Variants in SETDB2 observed in about 807,000 individuals in gnomAD.
The protein encoded by SETDB2 is histone-lysine N-methyltransferase SETDB2.
Under a neutral mutation model 82.5 loss-of-function variants are expected in SETDB2, and 56 were observed. That is an observed-to-expected ratio of 0.68 (90% confidence interval 0.55 to 0.85). The LOEUF is 0.85. Ranked by LOEUF, SETDB2 falls within the 40% of genes least tolerant of loss-of-function variation. SETDB2 has a pLI of 0.00. For missense variants in SETDB2, 677 were observed against 816.4 expected (o/e 0.83, Z 2.08); for synonymous variants, 272 against 284.9 (o/e 0.95, Z 0.46).
chr13:49,484,993 A>G (rs1157146888), intron 10 of SETDB2, among the ~76,000 whole-genome samples: 1 of 152,250 alleles, frequency 6.6e-6, no homozygotes, highest in Non-Finnish European at 1.5e-5. Context: ...TTTCAGAATT[A>G]TGAGGATTAA....
At chr13:49,449,008 A>G (rs1433738961) in intron 1 of SETDB2, among the ~76,000 whole-genome samples, 1 of 152,142 alleles carries the variant, frequency 6.6e-6, no homozygotes. Flanking sequence ...CTCTTATTTG[A>G]TACGTTTCTT....
intron 1 of SETDB2, among the ~76,000 whole-genome samples, chr13:49,450,927 G>A (rs1257264973): frequency 2.7e-5 from 4 of 149,662 alleles, no homozygotes; most frequent in East Asian, 1.9e-4. Context: ...TCTAAATATC[G>A]AATATAGAGG....
intron 9 of SETDB2, 52 bp from the exon 10 acceptor site, chr13:49,483,412 G>C: frequency 3.0e-6 from 2 of 669,212 alleles, no homozygotes; most frequent in Non-Finnish European, 4.9e-6. Flanking sequence ...CTTGAGTAAA[G>C]AGAATGAAGA....
rs763406330 is a variant in SETDB2 at position 49,481,042 on chromosome 13, A to G, written c.1082A>G (p.Lys361Arg). 6.2e-7 allele frequency: 1 copy of G among 1,614,206 alleles called. No individual in the cohort carries two copies. Among genetic ancestry groups the G allele is most frequent in the Admixed American group, 1.7e-5 (1 of 60,034 alleles). Residue 361 changes from lysine to arginine, a missense_variant, in exon 8 of 14, where the codon AAA becomes AGA. Physicochemically the swap from Lys to Arg is conservative, Grantham distance 26 (BLOSUM62 2). Around this residue, in one of 3 missense-constraint regions of SETDB2, gnomAD observed 420 missense variants for 554.6 expected, o/e 0.76. Coordinates refer to ENST00000611815, the MANE Select transcript of SETDB2 (RefSeq NM_001160308.3). The stretch of plus-strand genomic sequence containing the variant: ...CCTCAAGTGAGGTTACAGGTGTTCA[A>G]AACTGAGCAGAAGGGATGGGGTGTA... ...HGPQVRLQVF[K>R]TEQKGWGVRC...
Position 49,493,777 on chromosome 13 carries a change from G to C in SETDB2, c.*1928G>C, listed in dbSNP as rs950236919. 1.3e-5 allele frequency: 2 copies of C among 152,206 alleles called. No individual in the cohort carries two copies. Among genetic ancestry groups the C allele is most frequent in the African/African-American group, 2.4e-5 (1 of 41,438 alleles). 9.4% of individuals were successfully genotyped at this position (152,206 alleles called of 1,614,324 possible). ...GCTAGCTTTCAGTGCTGTTGCTGTG[G>C]AGTCTGAAAATCTGTCTTCTGGCTT... On this transcript the variant is annotated 3_prime_UTR_variant, in exon 14 of 14. Coordinates refer to ENST00000611815, the MANE Select transcript of SETDB2 (RefSeq NM_001160308.3).
chr13:49,446,555 AC>A (rs1957694190), intron 1 of SETDB2: 1 of 331,790 alleles, frequency 3.0e-6, no homozygotes, highest in Non-Finnish European at 5.9e-6. Context: ...ATACTATACT[AC>A]ATCATTCTGT....
rs71664753 is a variant in SETDB2, at chr13:49,471,936, T to TA, written c.305+3976_305+3977insA. Among the ~76,000 whole-genome samples, 617 of 95,782 alleles carry TA rather than the reference T, an allele frequency of 6.4e-3. 2 individuals carry two copies. Among genetic ancestry groups the TA allele is most frequent in the Middle Eastern group, 0.029 (6 of 208 alleles). 62.8% of individuals were successfully genotyped at this position (95,782 alleles called of 152,430 possible). On this transcript the variant is annotated intron_variant, in intron 5 of 13. Transcript: ENST00000611815. ...GACATATATATATATATATATATAT[T>TA]TTTTTTTTTTTTTAAATAGAGACAG...
intron 6 of SETDB2, among the ~76,000 whole-genome samples, chr13:49,479,454 T>C (rs1958434695): frequency 6.6e-6 from 1 of 152,254 alleles, no homozygotes; most frequent in South Asian, 2.1e-4. Flanking sequence ...TTGTTGTCGT[T>C]GTTCTTTTCT....
intron 13 of SETDB2, 32 bp from the exon 14 acceptor site, chr13:49,491,698 ATT>A (rs763196191): frequency 6.8e-7 from 1 of 1,470,180 alleles, no homozygotes; most frequent in East Asian, 2.3e-5. Context: ...TATTTAGGGT[ATT>A]TTATGATTCT....
intron 4 of SETDB2, among the ~76,000 whole-genome samples, chr13:49,464,274 G>C (rs1958057187): frequency 6.6e-6 from 1 of 152,200 alleles, no homozygotes; most frequent in East Asian, 1.9e-4. Flanking sequence ...GGGGATTTAT[G>C]ACAATTGAGT....
At chr13:49,464,039 T>A in intron 4 of SETDB2, 1 of 773,404 alleles carries the variant, frequency 1.3e-6, no homozygotes, top group Non-Finnish European at 2.4e-6. Flanking sequence ...CAGAAAGAAG[T>A]GAATGCCCAA....
chr13:49,491,469 A>G (rs1405934068), intron 13 of SETDB2, among the ~76,000 whole-genome samples: 1 of 152,246 alleles, frequency 6.6e-6, no homozygotes, highest in East Asian at 1.9e-4. Flanking sequence ...GCAGGCCTCA[A>G]CACATGACTG....
At chr13:49,480,105 C>A in intron 6 of SETDB2, 114 bp from the exon 7 acceptor site, 2 of 679,380 alleles carry the variant, frequency 2.9e-6, no homozygotes, top group South Asian at 4.1e-5. Context: ...ATGAGCCAAA[C>A]TATTCTAAAT....
intron 1 of SETDB2, among the ~76,000 whole-genome samples, chr13:49,450,682 T>C (rs1408409797): frequency 6.6e-6 from 1 of 152,006 alleles, no homozygotes; most frequent in Non-Finnish European, 1.5e-5. Flanking sequence ...GTTTTCAGCA[T>C]GGCTATATAT....
chr13:49,463,483 A>G (rs1958040097), intron 4 of SETDB2, among the ~76,000 whole-genome samples: 1 of 152,190 alleles, frequency 6.6e-6, no homozygotes, highest in South Asian at 2.1e-4. Context: ...GGGGTGGGCT[A>G]GCCTGAAACA....
intron 2 of SETDB2, among the ~76,000 whole-genome samples, chr13:49,457,894 AC>A (rs1957921687): frequency 6.6e-6 from 1 of 152,206 alleles, no homozygotes. Flanking sequence ...ACTTGAAAAT[AC>A]TTCAAAATAC....
chr13:49,478,518 T>C (rs1958417170), intron 6 of SETDB2, among the ~76,000 whole-genome samples: 1 of 152,170 alleles, frequency 6.6e-6, no homozygotes, highest in Admixed American at 6.5e-5. Flanking sequence ...CACACAAAGA[T>C]GTTTAGGACC....
At chr13:49,460,598 C>CA (rs2138858124) in intron 3 of SETDB2, among the ~76,000 whole-genome samples, 1 of 152,216 alleles carries the variant, frequency 6.6e-6, no homozygotes, top group South Asian at 2.1e-4. Context: ...CTTCTGAAAG[C>CA]AAAATTTGTG....
rs752831641 is a variant in SETDB2, at chr13:49,480,999, C to T, written c.1039C>T (p.Arg347Ter). The T allele has an allele frequency of 3.7e-6, 6 of 1,613,974 alleles. No individual in the cohort carries two copies. The highest frequency in any genetic ancestry group is 1.7e-5 in the Admixed American group (1 of 60,008). The stretch of plus-strand genomic sequence containing the variant: ...ATGTAATCGACAATTGTGTCAAAAC[C>T]GAGTTGTCCAACATGGTCCTCAAGT... ...CKCNRQLCQN[R>*]VVQHGPQVRL... Residue 347 changes from arginine to a stop codon, truncating the protein, a stop_gained, in exon 8 of 14, where the codon CGA becomes TGA. Coordinates refer to ENST00000611815, the MANE Select transcript of SETDB2 (RefSeq NM_001160308.3). LOFTEE classifies it high-confidence loss of function.
Sources: gnomAD v4.1 joint callset for allele counts (sites outside exome capture counted in the v4.1 genomes callset) on GRCh38, gnomAD v4.1.1 for gene constraint, gnomAD v4.1.1 regional missense constraint, MANE v1.5 for transcripts, NCBI Gene and HGNC (gene_info 2026-07-23, HGNC 2026-07-21) for gene names.